SLC36A4: variants seen among roughly 807,000 people sequenced by gnomAD.
SLC36A4 encodes solute carrier family 36 member 4.
A neutral mutation model predicts 50.5 loss-of-function variants in SLC36A4; 49 were observed. That is an observed-to-expected ratio of 0.97 (90% confidence interval 0.77 to 1.23). The LOEUF (loss-of-function observed/expected upper bound fraction) is 1.23, where lower values mean the gene tolerates loss of function less well. Ranked by LOEUF, SLC36A4 falls within the 50% of genes most tolerant of loss-of-function variation. SLC36A4 has a pLI of 0.00. For missense variants in SLC36A4, 611 were observed against 608.4 expected (o/e 1.00, Z -0.05); for synonymous variants, 207 against 206.5 (o/e 1.00, Z -0.02).
intron 10 of SLC36A4, among the ~76,000 whole-genome samples, chr11:93,150,247 C>T (rs1860021487): frequency 6.6e-6 from 1 of 152,078 alleles, no homozygotes; most frequent in Non-Finnish European, 1.5e-5. Context: ...TATATCACCA[C>T]ATTTCCTCTT....
At chr11:93,183,316 A>T (rs1341779408) in intron 3 of SLC36A4, among the ~76,000 whole-genome samples, 1 of 152,222 alleles carries the variant, frequency 6.6e-6, no homozygotes, top group Non-Finnish European at 1.5e-5. Flanking sequence ...CTTCTTGGGT[A>T]CTTACTATGT....
At chr11:93,190,480 T>G (rs1003135073) in intron 1 of SLC36A4, among the ~76,000 whole-genome samples, 1 of 152,198 alleles carries the variant, frequency 6.6e-6, no homozygotes, top group Non-Finnish European at 1.5e-5. Context: ...AAATATCTTA[T>G]GTACTCCACA....
chr11:93,147,584 T>G lies in SLC36A4; in HGVS notation c.*953A>C, dbSNP rs1859888036. 1 of 152,126 alleles carries G rather than the reference T, an allele frequency of 6.6e-6. No individual in the cohort carries two copies. The highest frequency in any genetic ancestry group is 6.6e-5 in the Admixed American group (1 of 15,252). The allele number at this position is 152,126 out of a possible 1,614,324, so 9.4% of individuals were successfully genotyped here. On this transcript the variant is annotated 3_prime_UTR_variant, in exon 11 of 11. Transcript: ENST00000326402. ...TTATATGGCCACAGTGTAGGCTTCT[T>G]GGAGTTCCCTGATTTTCTGCTCAGG...
In SLC36A4 at chr11:93,145,956, C is replaced by T. The variant is rs2134615532; in HGVS notation, c.*2581G>A. On this transcript the variant is annotated 3_prime_UTR_variant, in exon 11 of 11. Transcript: ENST00000326402. ...TACCCTTAATAAGAATACATTTAAG[C>T]TTTCCATCTAAATAGTGTTTCTTGT... The T allele has an allele frequency of 6.6e-6, 1 of 152,184 alleles. No homozygotes were observed. Among genetic ancestry groups the T allele is most frequent in the East Asian group, 1.9e-4 (1 of 5,160 alleles). The allele number at this position is 152,184 out of a possible 1,614,324, so 9.4% of individuals were successfully genotyped here.
chr11:93,173,173 G>C (rs1196948141), intron 6 of SLC36A4, among the ~76,000 whole-genome samples: 1 of 145,230 alleles, frequency 6.9e-6, no homozygotes, highest in African/African-American at 2.5e-5. Flanking sequence ...TTGTGGTTTT[G>C]ATTTGCATTT....
intron 9 of SLC36A4, among the ~76,000 whole-genome samples, 167 bp downstream of exon 9, chr11:93,162,539 C>A (rs781154142): frequency 1.3e-5 from 2 of 152,052 alleles, no homozygotes; most frequent in African/African-American, 2.4e-5. Context: ...GAACTCCCGA[C>A]CTCAGGTGAT....
chr11:93,160,375 GAA>G, intron 9 of SLC36A4: 1 of 985,366 alleles, frequency 1.0e-6, no homozygotes, highest in Non-Finnish European at 1.2e-6. Context: ...TTCCTCTAAT[GAA>G]AGGTGGTGTC....
chr11:93,195,259 A>G (rs1862370757), intron 1 of SLC36A4, among the ~76,000 whole-genome samples: 1 of 152,020 alleles, frequency 6.6e-6, no homozygotes, highest in Admixed American at 6.6e-5. Context: ...AGAGAAAAAC[A>G]TCAAAGACTC....
intron 6 of SLC36A4, among the ~76,000 whole-genome samples, chr11:93,177,280 C>T (rs543278294): frequency 2.0e-5 from 3 of 152,146 alleles, no homozygotes; most frequent in Non-Finnish European, 4.4e-5. Flanking sequence ...AGTTCCCATG[C>T]CATGGTTTTC....
chr11:93,152,493 A>G (rs920888531), intron 10 of SLC36A4: 2 of 152,164 alleles, frequency 1.3e-5, no homozygotes, highest in African/African-American at 2.4e-5. Flanking sequence ...CCTTTCTCCA[A>G]GGCATATCCC....
chr11:93,182,372 T>G, intron 4 of SLC36A4: 4 of 271,918 alleles, frequency 1.5e-5, no homozygotes, highest in Non-Finnish European at 2.3e-5. Context: ...TGGTCTACTG[T>G]CCAGTAGAAG....
At chr11:93,159,645 C>A (rs79148875) in intron 9 of SLC36A4, among the ~76,000 whole-genome samples, 2,776 of 152,238 alleles carry the variant, frequency 0.018, 41 homozygotes, top group Middle Eastern at 0.034. Flanking sequence ...GCATTTATCA[C>A]TAGATTGAAT....
rs1387033502 is a variant in SLC36A4 at position 93,147,514 on chromosome 11, T to A, written c.*1023A>T. The A allele has an allele frequency of 6.6e-6, 1 of 152,140 alleles. No homozygotes were observed. The highest frequency in any genetic ancestry group is 2.4e-5 in the African/African-American group (1 of 41,452). 9.4% of individuals were successfully genotyped at this position (152,140 alleles called of 1,614,324 possible). A position where few individuals can be genotyped will look rare whatever the true frequency, so the allele number is the denominator to read the frequency against. ...CCAGGAGTTTCACCAGCAAGCGGTC[T>A]CTATTCTGTTTTAAAAGAACATAGC... On this transcript the variant is annotated 3_prime_UTR_variant, in exon 11 of 11. Coordinates refer to ENST00000326402, the MANE Select transcript of SLC36A4 (RefSeq NM_152313.4).
intron 6 of SLC36A4, chr11:93,171,083 T>C (rs1245354305): frequency 6.6e-6 from 1 of 151,928 alleles, no homozygotes; most frequent in Admixed American, 6.6e-5. Flanking sequence ...TGCATGCTGC[T>C]TCAGTGACCA....
At chr11:93,188,448 C>T (rs1862080916) in intron 1 of SLC36A4, among the ~76,000 whole-genome samples, 1 of 152,140 alleles carries the variant, frequency 6.6e-6, no homozygotes, top group Non-Finnish European at 1.5e-5. Flanking sequence ...TTATCAGTTC[C>T]AAATTCCTGA....
chr11:93,166,888 T>C lies in SLC36A4; in HGVS notation c.769-872A>G, dbSNP rs973549595. 3.9e-5 allele frequency: 6 copies of C among 152,284 alleles called. No homozygotes were observed. The South Asian group carries it at 6.2e-4, about 16-fold the overall frequency. 9.4% of individuals were successfully genotyped at this position (152,284 alleles called of 1,614,324 possible). A position where few individuals can be genotyped will look rare whatever the true frequency, so the allele number is the denominator to read the frequency against. ...CTGGTGATACATGTCTAAAACCATA[T>C]ACTGGGTTTAGAATGAAAGGGTATT... On this transcript the variant is annotated intron_variant, in intron 7 of 10. Coordinates refer to ENST00000326402, the MANE Select transcript of SLC36A4 (RefSeq NM_152313.4).
chr11:93,176,641 C>T (rs1861487402), intron 6 of SLC36A4, among the ~76,000 whole-genome samples: 1 of 151,814 alleles, frequency 6.6e-6, no homozygotes, highest in Admixed American at 6.6e-5. Context: ...TAGGGCAGGC[C>T]TGGTAGTGAC....
chr11:93,188,745 T>C (rs1862092839), intron 1 of SLC36A4, among the ~76,000 whole-genome samples: 2 of 152,216 alleles, frequency 1.3e-5, no homozygotes. Flanking sequence ...TGTTATACTC[T>C]ATACAAAATA....
chr11:93,156,767 C>A (rs993796511), intron 9 of SLC36A4, among the ~76,000 whole-genome samples: 3 of 152,068 alleles, frequency 2.0e-5, no homozygotes, highest in Non-Finnish European at 4.4e-5. Context: ...TTGTTCAATG[C>A]ATAGTTTGCA....
Sources: allele counts gnomAD v4.1 joint callset (sites outside exome capture counted in the v4.1 genomes callset), GRCh38; gene constraint gnomAD v4.1.1; transcripts MANE v1.5; gene names NCBI Gene and HGNC (gene_info 2026-07-23, HGNC 2026-07-21).